The following PXDNL variants were observed in gnomAD, a reference collection of about 807,000 sequenced individuals.
PXDNL encodes probable oxidoreductase PXDNL.
A neutral mutation model predicts 150.8 loss-of-function variants in PXDNL; 145 were observed. The ratio of observed to expected loss-of-function variants is 0.96; its 90% CI spans 0.84 to 1.10. The LOEUF (loss-of-function observed/expected upper bound fraction) is 1.10, where lower values mean the gene tolerates loss of function less well. Among genes scored for constraint, PXDNL ranks in the 50% least tolerant of loss-of-function variants. The probability of loss-of-function intolerance (pLI) is 0.00; values close to 1 mark genes in which losing one functional copy is unlikely to be tolerated. For synonymous variants in PXDNL, 757 were observed against 725.7 expected, an observed-to-expected ratio of 1.04 and a Z score of -0.69; for missense variants, 2,087 against 1,873.9, an observed-to-expected ratio of 1.11 and a Z score of -2.10.
At chr8:51,442,708 G>C (rs1395511236) in intron 12 of PXDNL, among the ~76,000 whole-genome samples, 1 of 151,426 alleles carries the variant, frequency 6.6e-6, no homozygotes, top group African/African-American at 2.4e-5. Context: ...TTAAATTTCT[G>C]GAATAAATAC....
At chr8:51,758,295 C>G (rs1185188483) in intron 1 of PXDNL, among the ~76,000 whole-genome samples, 2 of 152,140 alleles carry the variant, frequency 1.3e-5, no homozygotes, top group African/African-American at 4.8e-5. Context: ...GATGAATTGT[C>G]TAATATTCCT....
intron 17 of PXDNL, among the ~76,000 whole-genome samples, chr8:51,403,629 T>C (rs1168985638): frequency 2.0e-5 from 3 of 152,216 alleles, no homozygotes; most frequent in Admixed American, 6.5e-5. Flanking sequence ...ACTTCTCATG[T>C]ATCTCAAATG....
intron 4 of PXDNL, among the ~76,000 whole-genome samples, chr8:51,537,409 G>A (rs1180474729): frequency 6.6e-6 from 1 of 152,204 alleles, no homozygotes; most frequent in Admixed American, 6.5e-5. Context: ...TAAATTGGCA[G>A]CAATTGCTTA....
At chr8:51,728,508 T>C (rs540325248) in intron 1 of PXDNL, among the ~76,000 whole-genome samples, 1 of 152,206 alleles carries the variant, frequency 6.6e-6, no homozygotes, top group Non-Finnish European at 1.5e-5. Context: ...AAGATGGTAA[T>C]ATTGATGATC....
chr8:51,524,801 T>A (rs1483783353), intron 4 of PXDNL, among the ~76,000 whole-genome samples: 3 of 152,208 alleles, frequency 2.0e-5, no homozygotes, highest in Admixed American at 6.5e-5. Context: ...TGGTCACTGT[T>A]CTACTGAAAT....
intron 2 of PXDNL, among the ~76,000 whole-genome samples, chr8:51,601,059 C>G (rs1229305748): frequency 6.8e-6 from 1 of 146,540 alleles, no homozygotes; most frequent in African/African-American, 2.5e-5. Flanking sequence ...TATATTATAT[C>G]TTATATCAAG....
At chr8:51,660,565 G>A (rs1451239399) in intron 1 of PXDNL, among the ~76,000 whole-genome samples, 2 of 152,124 alleles carry the variant, frequency 1.3e-5, no homozygotes, top group South Asian at 4.1e-4. Flanking sequence ...TCTCAAATCC[G>A]AGAAATATTC....
At chr8:51,366,473 A>G (rs1337294093) in intron 19 of PXDNL, among the ~76,000 whole-genome samples, 1 of 151,654 alleles carries the variant, frequency 6.6e-6, no homozygotes, top group Non-Finnish European at 1.5e-5. Flanking sequence ...GCCCTTTGTC[A>G]AGTAAAGTCT....
chr8:51,579,282 A>C (rs916891750), intron 3 of PXDNL, among the ~76,000 whole-genome samples: 2 of 151,804 alleles, frequency 1.3e-5, no homozygotes, highest in Non-Finnish European at 2.9e-5. Context: ...TCTCATTAGA[A>C]GTTAAGCAAA....
At chr8:51,467,916 A>G (rs1810237486) in intron 8 of PXDNL, among the ~76,000 whole-genome samples, 1 of 152,052 alleles carries the variant, frequency 6.6e-6, no homozygotes. Context: ...TTCTAAAACT[A>G]CTTATTAAGT....
At chr8:51,333,682 A>T (rs553223998) in intron 21 of PXDNL, among the ~76,000 whole-genome samples, 52 of 152,248 alleles carry the variant, frequency 3.4e-4, no homozygotes, top group African/African-American at 1.2e-3. Context: ...ACACCCAGAC[A>T]AAACAAACTT....
chr8:51,531,913 G>A (rs1464429770), intron 4 of PXDNL, among the ~76,000 whole-genome samples: 2 of 152,216 alleles, frequency 1.3e-5, no homozygotes, highest in African/African-American at 4.8e-5. Context: ...TCCCCCCACC[G>A]TCATCATCCA....
chr8:51,388,662 C>T (rs1807800175), intron 17 of PXDNL, among the ~76,000 whole-genome samples: 1 of 152,178 alleles, frequency 6.6e-6, no homozygotes, highest in African/African-American at 2.4e-5. Context: ...GTCTCTCTCT[C>T]TCATTCCTGT....
At chr8:51,422,365 A>T (rs548104378) in intron 14 of PXDNL, among the ~76,000 whole-genome samples, 1 of 152,282 alleles carries the variant, frequency 6.6e-6, no homozygotes, top group African/African-American at 2.4e-5. Flanking sequence ...CCTGGTGCCA[A>T]AAAGGTTGGG....
At chr8:51,380,625 C>T (rs535806026) in intron 17 of PXDNL, among the ~76,000 whole-genome samples, 1 of 152,132 alleles carries the variant, frequency 6.6e-6, no homozygotes, top group Non-Finnish European at 1.5e-5. Flanking sequence ...AGTAATATGG[C>T]AGTTTTATCC....
chr8:51,665,311 C>G (rs1172806891), intron 1 of PXDNL, among the ~76,000 whole-genome samples: 1 of 152,162 alleles, frequency 6.6e-6, no homozygotes, highest in Non-Finnish European at 1.5e-5. Context: ...CAGGCCCACA[C>G]TCTCAGGACT....
intron 17 of PXDNL, among the ~76,000 whole-genome samples, chr8:51,407,622 G>A (rs986321112): frequency 2.0e-5 from 3 of 152,032 alleles, no homozygotes; most frequent in African/African-American, 7.2e-5. Flanking sequence ...CTTAAATTCC[G>A]ACCATGAATT....
chr8:51,606,412 C>T (rs934680283), intron 2 of PXDNL, among the ~76,000 whole-genome samples: 11 of 152,170 alleles, frequency 7.2e-5, no homozygotes, highest in African/African-American at 2.7e-4. Context: ...ACATAGGACA[C>T]TTTCTGTTTG....
chr8:51,666,379 A>G (rs1815385538), intron 1 of PXDNL, among the ~76,000 whole-genome samples: 1 of 152,096 alleles, frequency 6.6e-6, no homozygotes, highest in Non-Finnish European at 1.5e-5. Context: ...CCATGCAGCT[A>G]TATATAAGTA....
Sources: gnomAD v4.1 joint callset for allele counts (sites outside exome capture counted in the v4.1 genomes callset) on GRCh38, gnomAD v4.1.1 for gene constraint, MANE v1.5 for transcripts, NCBI Gene and HGNC (gene_info 2026-07-23, HGNC 2026-07-21) for gene names.